The following SIAH3 variants were observed in gnomAD, a reference collection of about 807,000 sequenced individuals.
The protein encoded by SIAH3 is seven in absentia homolog 3.
In SIAH3, 9 loss-of-function variants were observed where a neutral mutation model predicts 12.6. That is an observed-to-expected ratio of 0.72 (90% CI 0.43 to 1.25). The LOEUF (loss-of-function observed/expected upper bound fraction) is 1.25. Among genes scored for constraint, SIAH3 ranks in the 50% most tolerant of loss-of-function variants. The pLI is 0.00. For missense variants in SIAH3, 390 were observed against 365.4 expected, an observed-to-expected ratio of 1.07 and a Z score of -0.55; for synonymous variants, 154 against 151.1, an observed-to-expected ratio of 1.02 and a Z score of -0.14.
At chr13:45,850,118 G>C (rs1247059328) in intron 1 of SIAH3, among the ~76,000 whole-genome samples, 1 of 152,212 alleles carries the variant, frequency 6.6e-6, no homozygotes, top group Non-Finnish European at 1.5e-5. Flanking sequence ...GCATGCGATG[G>C]CATTCGTCAC....
At chr13:45,816,731 C>T (rs1950635869) in intron 1 of SIAH3, among the ~76,000 whole-genome samples, 1 of 152,220 alleles carries the variant, frequency 6.6e-6, no homozygotes, top group Non-Finnish European at 1.5e-5. Flanking sequence ...CTGCCCCTCA[C>T]CTGCTCCAAG....
rs1225582881 is a variant in SIAH3, at chr13:45,778,900, A to C, written c.*4483T>G. The C allele has an allele frequency of 6.6e-6, 1 of 152,192 alleles. No homozygotes were observed. Among genetic ancestry groups the C allele is most frequent in the African/African-American group, 2.4e-5 (1 of 41,446 alleles). The allele number at this position is 152,192 out of a possible 1,614,324, so 9.4% of individuals were successfully genotyped here. A position where few individuals can be genotyped will look rare whatever the true frequency, so the allele number is the denominator to read the frequency against. ...ATACAAATACTATGCCGTTTTATAT[A>C]AGGGACTTGAGCATCTTCAGATTTT... On this transcript the variant is annotated 3_prime_UTR_variant, in exon 2 of 2. Coordinates refer to ENST00000400405, the MANE Select transcript of SIAH3 (RefSeq NM_198849.3).
At chr13:45,828,012 G>A (rs1465372258) in intron 1 of SIAH3, among the ~76,000 whole-genome samples, 1 of 152,060 alleles carries the variant, frequency 6.6e-6, no homozygotes, top group Non-Finnish European at 1.5e-5. Context: ...ATTTTCACTG[G>A]GCCCCACAAA....
intron 1 of SIAH3, among the ~76,000 whole-genome samples, chr13:45,838,749 C>G (rs1266223859): frequency 6.6e-6 from 1 of 152,048 alleles, no homozygotes; most frequent in African/African-American, 2.4e-5. Context: ...TGAGGTGACT[C>G]TGGGGCCTCC....
In SIAH3 at chr13:45,778,924, T is replaced by G. The variant is rs575663309; in HGVS notation, c.*4459A>C. ...TAAGGGACTTGAGCATCTTCAGATT[T>G]TAGTGTCCACGAGATTCCTGGAACC... On this transcript the variant is annotated 3_prime_UTR_variant, in exon 2 of 2. Coordinates refer to ENST00000400405, the MANE Select transcript of SIAH3 (RefSeq NM_198849.3). 6.6e-6 allele frequency: 1 copy of G among 152,314 alleles called. No individual in the cohort carries two copies. The highest frequency in any genetic ancestry group is 2.4e-5 in the African/African-American group (1 of 41,554). 9.4% of individuals were successfully genotyped at this position (152,314 alleles called of 1,614,324 possible).
intron 1 of SIAH3, 80 bp downstream of exon 1, chr13:45,851,415 G>T: frequency 6.3e-7 from 1 of 1,585,174 alleles, no homozygotes; most frequent in Non-Finnish European, 8.6e-7. Flanking sequence ...GGCTGCACAC[G>T]TTCGCCGGAG....
At chr13:45,806,720 G>C (rs1950599872) in intron 1 of SIAH3, among the ~76,000 whole-genome samples, 1 of 152,066 alleles carries the variant, frequency 6.6e-6, no homozygotes, top group Non-Finnish European at 1.5e-5. Flanking sequence ...AAACTTAAAA[G>C]CTGAAGAAAA....
intron 1 of SIAH3, among the ~76,000 whole-genome samples, chr13:45,814,229 ACT>A (rs1429512097): frequency 2.6e-5 from 3 of 115,938 alleles, no homozygotes; most frequent in African/African-American, 1.1e-4. Flanking sequence ...ACTGAGCAAG[ACT>A]CTGTCTCAAA....
rs1003141528 is a variant in SIAH3, at chr13:45,824,373, C to G, written c.135+27122G>C. ...GCCCACAGCAGGCACAGGACCTGCC[C>G]CCCTTGCTGCTGTCGATAAAGCTCT... On this transcript the variant is annotated intron_variant, in intron 1 of 1. Coordinates refer to ENST00000400405, the MANE Select transcript of SIAH3 (RefSeq NM_198849.3). 1.2e-4 allele frequency among the ~76,000 whole-genome samples: 18 copies of G among 152,292 alleles called. No individual in the cohort carries two copies. In the East Asian group the frequency reaches 3.5e-3, roughly 29 times the overall value.
intron 1 of SIAH3, among the ~76,000 whole-genome samples, chr13:45,836,510 C>T (rs923217730): frequency 4.6e-5 from 7 of 152,142 alleles, no homozygotes; most frequent in South Asian, 2.1e-4. Context: ...AGCAAACTAA[C>T]GCATGAACAG....
intron 1 of SIAH3, among the ~76,000 whole-genome samples, chr13:45,826,365 A>ATTGATGGTTGGGTAGG (rs1459090941): frequency 2.2e-4 from 1 of 4,590 alleles, no homozygotes; most frequent in African/African-American, 8.4e-4. Context: ...GGATGGATGG[A>ATTGATGGTTGGGTAGG]TGGATGGATG....
At chr13:45,822,876 T>G (rs1046483560) in intron 1 of SIAH3, among the ~76,000 whole-genome samples, 18 of 151,994 alleles carry the variant, frequency 1.2e-4, no homozygotes, top group Non-Finnish European at 4.4e-5. Flanking sequence ...TGGAAAGTTA[T>G]CTCTGTGAGG....
intron 1 of SIAH3, among the ~76,000 whole-genome samples, chr13:45,794,938 A>G (rs912744227): frequency 3.5e-5 from 5 of 143,734 alleles, no homozygotes; most frequent in East Asian, 3.9e-4. Flanking sequence ...CCTTCTAGCA[A>G]TTCTCACTAG....
chr13:45,842,622 A>G (rs1056637390), intron 1 of SIAH3, among the ~76,000 whole-genome samples: 1 of 152,168 alleles, frequency 6.6e-6, no homozygotes, highest in Non-Finnish European at 1.5e-5. Flanking sequence ...TGCTGGGATT[A>G]TAGGCGTGAA....
At chr13:45,834,007 G>GA (rs11308110) in intron 1 of SIAH3, among the ~76,000 whole-genome samples, 107 of 123,188 alleles carry the variant, frequency 8.7e-4, no homozygotes, top group South Asian at 1.0e-3. Flanking sequence ...AGGTCAAAAA[G>GA]AAAAAAAAAA....
intron 1 of SIAH3, among the ~76,000 whole-genome samples, chr13:45,796,091 G>A (rs1040296523): frequency 2.6e-5 from 4 of 152,304 alleles, no homozygotes; most frequent in African/African-American, 4.8e-5. Flanking sequence ...GGTGGGACCC[G>A]AGGGAGCCCC....
At chr13:45,848,911 T>A (rs1246568068) in intron 1 of SIAH3, among the ~76,000 whole-genome samples, 2 of 152,222 alleles carry the variant, frequency 1.3e-5, no homozygotes, top group Non-Finnish European at 2.9e-5. Flanking sequence ...AGAAGGACTT[T>A]CCTCCTCATT....
intron 1 of SIAH3, among the ~76,000 whole-genome samples, chr13:45,794,443 G>A (rs1950556157): frequency 6.6e-6 from 1 of 152,110 alleles, no homozygotes; most frequent in African/African-American, 2.4e-5. Flanking sequence ...CATCATTATT[G>A]CACAGTGATG....
chr13:45,839,826 T>C (rs1950733884), intron 1 of SIAH3, among the ~76,000 whole-genome samples: 1 of 152,004 alleles, frequency 6.6e-6, no homozygotes, highest in Non-Finnish European at 1.5e-5. Flanking sequence ...AGTGAGACTC[T>C]GTCTCAAAAA....
Sources: allele counts gnomAD v4.1 joint callset (sites outside exome capture counted in the v4.1 genomes callset), GRCh38; gene constraint gnomAD v4.1.1; transcripts MANE v1.5; gene names NCBI Gene and HGNC (gene_info 2026-07-23, HGNC 2026-07-21).